AGL: variants seen among roughly 807,000 people sequenced by gnomAD.
AGL encodes the protein amylo-alpha-1,6-glucosidase and 4-alpha-glucanotransferase, also known as glycogen debranching enzyme.
In AGL, 128 loss-of-function variants were observed where a neutral mutation model predicts 199.3. That is an observed-to-expected ratio of 0.64 (90% CI 0.56 to 0.74). AGL has a LOEUF of 0.74. Ranked by LOEUF, AGL falls within the 30% of genes least tolerant of loss-of-function variation. AGL has a pLI of 0.00. For synonymous variants in AGL, 584 were observed against 594.7 expected, an observed-to-expected ratio of 0.98 and a Z score of 0.26; for missense variants, 1,809 against 1,820.8, an observed-to-expected ratio of 0.99 and a Z score of 0.12.
Position 99,874,684 on chromosome 1 carries a change from T to C in AGL, c.959-3T>C. ...TTAAGGTATCGTCTTTTCTTTCTTT[T>C]AGAAAATAGGCGAGTAACCAAGTCT... On this transcript the variant is annotated splice_polypyrimidine_tract_variant and splice_region_variant and intron_variant, in intron 7 of 33. Coordinates refer to ENST00000361915, the MANE Select transcript of AGL (RefSeq NM_000642.3). The C allele has an allele frequency of 6.2e-7, 1 of 1,609,926 alleles. No homozygotes were observed. The highest frequency in any genetic ancestry group is 8.5e-7 in the Non-Finnish European group (1 of 1,176,442).
At chr1:99,885,622 G>T (rs995742785) in intron 20 of AGL, among the ~76,000 whole-genome samples, 4 of 152,086 alleles carry the variant, frequency 2.6e-5, no homozygotes, top group African/African-American at 7.2e-5. Flanking sequence ...ATCAGTGGCT[G>T]CATTAGATTC....
At position 99,913,681 on chromosome 1, in the gene AGL, T is replaced by G. The variant is rs775129071; in HGVS notation, c.4104T>G (p.Ala1368=). The change falls in exon 30 of 34, where the codon GCT becomes GCG. Residue 1368 remains alanine, a synonymous_variant. Transcript: ENST00000361915. ...KRGIYKDSYG[A]SSPWCDYQLR... is the part of the protein sequence containing the mutation. ...GCATATACAAAGATAGTTATGGAGCTTCAAGTCCTTGGTGTGACTATCAGC... is the reference window on the plus strand; with the variant it reads ...GCATATACAAAGATAGTTATGGAGCGTCAAGTCCTTGGTGTGACTATCAGC... The G allele has an allele frequency of 1.4e-5, 22 of 1,614,014 alleles. No homozygotes were observed. The highest frequency in any genetic ancestry group is 3.3e-4 in the Middle Eastern group (2 of 6,082).
At chr1:99,883,575 A>C (rs1404952406) in intron 17 of AGL, among the ~76,000 whole-genome samples, 1 of 152,152 alleles carries the variant, frequency 6.6e-6, no homozygotes, top group Non-Finnish European at 1.5e-5. Context: ...CAAGTTGCAA[A>C]TATATATAAC....
chr1:99,854,375 A>G (rs1381193264), intron 2 of AGL, among the ~76,000 whole-genome samples: 1 of 152,228 alleles, frequency 6.6e-6, no homozygotes, highest in Admixed American at 6.5e-5. Flanking sequence ...GGTTGACTTT[A>G]TAACTCTGGT....
chr1:99,870,355 C>G (rs780324261), intron 5 of AGL, 45 bp from the exon 6 acceptor site: 6 of 1,571,532 alleles, frequency 3.8e-6, no homozygotes, highest in Non-Finnish European at 5.3e-6. Flanking sequence ...GATACAGTTT[C>G]AATTTAATTA....
chr1:99,899,530 T>TCTCTCTTTCTCTC (rs550883261), intron 25 of AGL, among the ~76,000 whole-genome samples: 1 of 146,858 alleles, frequency 6.8e-6, no homozygotes, highest in African/African-American at 2.5e-5. Flanking sequence ...CTCTCTCTCT[T>TCTCTCTTTCTCTC]TCTCTCTCTC....
chr1:99,912,367 G>A (rs762290952), intron 28 of AGL, 38 bp from the exon 29 acceptor site: 16 of 1,527,512 alleles, frequency 1.0e-5, no homozygotes, highest in South Asian at 2.2e-5. Flanking sequence ...CTTAAAGGAC[G>A]CCAACTTAAA....
chr1:99,865,431 C>T (rs1010336256), intron 5 of AGL, among the ~76,000 whole-genome samples: 1 of 152,094 alleles, frequency 6.6e-6, no homozygotes, highest in African/African-American at 2.4e-5. Context: ...GTTAAAAGAG[C>T]TTATTAAATT....
chr1:99,863,442 C>T (rs1571230248), intron 4 of AGL, among the ~76,000 whole-genome samples: 1 of 151,990 alleles, frequency 6.6e-6, no homozygotes, highest in African/African-American at 2.4e-5. Flanking sequence ...CATTGGTTAA[C>T]CATCTTTTGT....
intron 24 of AGL, among the ~76,000 whole-genome samples, chr1:99,895,053 T>C (rs1653194317): frequency 6.6e-6 from 1 of 152,106 alleles, no homozygotes; most frequent in Non-Finnish European, 1.5e-5. Context: ...TTTGGCATAA[T>C]TTTTTTTCTT....
chr1:99,873,560 G>A (rs1023226028), intron 7 of AGL, among the ~76,000 whole-genome samples: 2 of 151,192 alleles, frequency 1.3e-5, no homozygotes, highest in African/African-American at 4.9e-5. Flanking sequence ...TCAGCCTCCC[G>A]AGTAGCTGGG....
intron 17 of AGL, 118 bp downstream of exon 17, chr1:99,881,809 T>A: frequency 1.0e-6 from 1 of 1,000,460 alleles, no homozygotes; most frequent in Non-Finnish European, 1.4e-6. Context: ...AGTGCTACTG[T>A]GGACGTACTT....
In AGL at chr1:99,880,057, T is replaced by C. The variant is rs373418286; in HGVS notation, c.1735+11T>C. 1 of 1,613,144 alleles carries C rather than the reference T, an allele frequency of 6.2e-7. No individual in the cohort carries two copies. Among genetic ancestry groups the C allele is most frequent in the Non-Finnish European group, 8.5e-7 (1 of 1,179,438 alleles). On this transcript the variant is annotated intron_variant, in intron 13 of 33. Transcript: ENST00000361915. ...GTTCCTTAATAAGAGGTAGGCTTGT[T>C]GGAGTGTATTTCCCTCTAAAACTTT...
chr1:99,894,418 A>G (rs1275461040), intron 24 of AGL, among the ~76,000 whole-genome samples: 1 of 152,194 alleles, frequency 6.6e-6, no homozygotes, highest in African/African-American at 2.4e-5. Flanking sequence ...TTCATGTTTC[A>G]TACAAGGAAT....
At chr1:99,905,954 T>G (rs1357697831) in intron 27 of AGL, among the ~76,000 whole-genome samples, 1 of 151,084 alleles carries the variant, frequency 6.6e-6, no homozygotes, top group Non-Finnish European at 1.5e-5. Context: ...TTACTATTGG[T>G]TTTTTTTATT....
Position 99,881,315 on chromosome 1 carries a change from G to A in AGL, c.2025G>A (p.Arg675=), listed in dbSNP as rs763377186. The A allele has an allele frequency of 5.0e-6, 8 of 1,614,038 alleles. No homozygotes were observed. The East Asian group carries it at 1.6e-4, about 31-fold the overall frequency. The change falls in exon 16 of 34, where the codon CGG becomes CGA. Residue 675 remains arginine, a synonymous_variant. Coordinates refer to ENST00000361915, the MANE Select transcript of AGL (RefSeq NM_000642.3). ...PHQISVVSEE[R]FYTKWNPEAL... is the part of the protein sequence containing the mutation. ...AGATTTCAGTGGTTTCTGAAGAACG[G>A]TTTTACACTAAGTGGAATCCTGAAG... is the stretch of plus-strand genomic sequence containing the variant.
intron 7 of AGL, 94 bp downstream of exon 7, chr1:99,870,963 T>A: frequency 1.3e-6 from 1 of 761,246 alleles, no homozygotes; most frequent in South Asian, 1.6e-5. Flanking sequence ...TTATTAAATA[T>A]GTCATTGTAT....
rs370077443 is a variant in AGL at position 99,873,766 on chromosome 1, C to A, written c.959-921C>A. ...TCATATATTTACTCTTCCAGATGAA[C>A]CTTAGAAACTGGATTTTAAGAATTG... is the stretch of plus-strand genomic sequence containing the variant. On this transcript the variant is annotated intron_variant, in intron 7 of 33. Transcript: ENST00000361915. Among the ~76,000 whole-genome samples the A allele has an allele frequency of 6.6e-5, 10 of 152,270 alleles. No homozygotes were observed. In the South Asian group the frequency reaches 1.5e-3, roughly 22 times the overall value.
intron 24 of AGL, among the ~76,000 whole-genome samples, chr1:99,893,628 A>G (rs1653077778): frequency 6.6e-6 from 1 of 152,226 alleles, no homozygotes; most frequent in Non-Finnish European, 1.5e-5. Context: ...AAACATCTTC[A>G]AAATATACAC....
Sources: gnomAD v4.1 joint callset for allele counts (sites outside exome capture counted in the v4.1 genomes callset) on GRCh38, gnomAD v4.1.1 for gene constraint, MANE v1.5 for transcripts, NCBI Gene and HGNC (gene_info 2026-07-23, HGNC 2026-07-21) for gene names.